The following RBM17 variants were observed in gnomAD, a reference collection of about 807,000 sequenced individuals.
RBM17 encodes the protein splicing factor 45.
A neutral mutation model predicts 53.2 loss-of-function variants in RBM17; 7 were observed. The ratio of observed to expected loss-of-function variants is 0.13; its 90% CI spans 0.07 to 0.25. The LOEUF (loss-of-function observed/expected upper bound fraction) is 0.25. Ranked by LOEUF, RBM17 falls within the 10% of genes least tolerant of loss-of-function variation. The pLI is 1.00. For missense variants in RBM17, 257 were observed against 496.7 expected, an observed-to-expected ratio of 0.52 and a Z score of 4.59; for synonymous variants, 167 against 178.1, an observed-to-expected ratio of 0.94 and a Z score of 0.50.
chr10:6,098,223 T>G (rs1486511474), intron 2 of RBM17, among the ~76,000 whole-genome samples: 2 of 150,428 alleles, frequency 1.3e-5, no homozygotes, highest in Non-Finnish European at 3.0e-5. Flanking sequence ...TTGGTCTTTT[T>G]GGGGGTGAAA....
chr10:6,116,316 G>C lies in RBM17; in HGVS notation c.*760G>C, dbSNP rs926816267. ...CCTAGCAGGTGCATTGTAAATGTGT[G>C]CCCAGTTATGTTTTGGAAATGGCAG... On this transcript the variant is annotated 3_prime_UTR_variant, in exon 12 of 12. Transcript: ENST00000379888. 4 of 152,308 alleles carry C rather than the reference G, an allele frequency of 2.6e-5. No homozygotes were observed. The highest frequency in any genetic ancestry group is 9.7e-5 in the African/African-American group (4 of 41,428). 9.4% of individuals were successfully genotyped at this position (152,308 alleles called of 1,614,324 possible).
At chr10:6,105,396 A>G (rs954231831) in intron 4 of RBM17, among the ~76,000 whole-genome samples, 10 of 152,238 alleles carry the variant, frequency 6.6e-5, no homozygotes. Flanking sequence ...TAGGTTGACT[A>G]TCCCTTATTC....
chr10:6,109,906 A>T, intron 6 of RBM17, 80 bp from the exon 7 acceptor site: 1 of 1,194,926 alleles, frequency 8.4e-7, no homozygotes, highest in Non-Finnish European at 1.1e-6. Context: ...AATTTGTTCA[A>T]GATAAATAAT....
intron 1 of RBM17, among the ~76,000 whole-genome samples, chr10:6,094,372 T>A (rs80234411): frequency 3.2e-4 from 49 of 152,328 alleles, no homozygotes; most frequent in Non-Finnish European, 5.9e-4. Flanking sequence ...TAGTCTGTAT[T>A]GAGAAAAGCA....
chr10:6,094,441 A>G (rs1439275437), intron 1 of RBM17, among the ~76,000 whole-genome samples: 1 of 152,238 alleles, frequency 6.6e-6, no homozygotes, highest in East Asian at 1.9e-4. Context: ...GTGATTTCCC[A>G]GAAAGTCGCA....
chr10:6,101,609 A>G (rs1418428505), intron 3 of RBM17, among the ~76,000 whole-genome samples: 6 of 152,256 alleles, frequency 3.9e-5, no homozygotes, highest in Admixed American at 2.0e-4. Context: ...AGATACGCAG[A>G]AAGAAAAACA....
intron 9 of RBM17, 108 bp from the exon 10 acceptor site, chr10:6,113,941 C>A: frequency 1.4e-6 from 1 of 704,586 alleles, no homozygotes; most frequent in South Asian, 1.9e-5. Flanking sequence ...TTCATTATGT[C>A]GTTTGGGATT....
At chr10:6,115,413 A>G (rs367697665) in intron 11 of RBM17, 40 bp from the exon 12 acceptor site, 4 of 1,539,460 alleles carry the variant, frequency 2.6e-6, no homozygotes, top group African/African-American at 1.4e-5. Context: ...CCTTTATCTT[A>G]TAGGATACCT....
At chr10:6,092,815 C>A (rs1181429002) in intron 1 of RBM17, among the ~76,000 whole-genome samples, 3 of 152,196 alleles carry the variant, frequency 2.0e-5, no homozygotes, top group African/African-American at 7.2e-5. Flanking sequence ...AAGATGACAT[C>A]AGTTTCTAAT....
At chr10:6,114,952 T>C in intron 10 of RBM17, 1 of 363,694 alleles carries the variant, frequency 2.7e-6, no homozygotes, top group Non-Finnish European at 4.9e-6. Context: ...TTGCTGTTTG[T>C]TGACCACATA....
intron 1 of RBM17, among the ~76,000 whole-genome samples, chr10:6,094,100 G>A (rs1840532109): frequency 6.6e-6 from 1 of 150,478 alleles, no homozygotes; most frequent in Non-Finnish European, 1.5e-5. Context: ...TCAGCCTCCT[G>A]AGTAGCTGGG....
At chr10:6,108,350 GTAAA>G (rs1335050387) in intron 5 of RBM17, 1 of 318,532 alleles carries the variant, frequency 3.1e-6, no homozygotes, top group East Asian at 6.5e-5. Context: ...ATTGCTCTCG[GTAAA>G]TAGTTACATT....
At chr10:6,102,963 C>CT (rs2132946048) in intron 3 of RBM17, among the ~76,000 whole-genome samples, 1 of 152,210 alleles carries the variant, frequency 6.6e-6, no homozygotes, top group Non-Finnish European at 1.5e-5. Context: ...CCACATTTGA[C>CT]TAATTTTTTG....
At chr10:6,105,232 A>G in intron 4 of RBM17, 135 bp downstream of exon 4, 1 of 767,784 alleles carries the variant, frequency 1.3e-6, no homozygotes, top group South Asian at 2.0e-5. Context: ...ACAAGGAATC[A>G]AACTGTTTTA....
rs1840908942 is a variant in RBM17 at position 6,115,892 on chromosome 10, A to C, written c.*336A>C. 1 of 143,468 alleles carries C rather than the reference A, an allele frequency of 7.0e-6. No homozygotes were observed. The highest frequency in any genetic ancestry group is 3.0e-5 in the African/African-American group (1 of 33,228). The allele number at this position is 143,468 out of a possible 1,614,324, so 8.9% of individuals were successfully genotyped here. A position where few individuals can be genotyped will look rare whatever the true frequency, so the allele number is the denominator to read the frequency against. On this transcript the variant is annotated 3_prime_UTR_variant, in exon 12 of 12. Coordinates refer to ENST00000379888, the MANE Select transcript of RBM17 (RefSeq NM_032905.5). ...TGCACTAAAAAAAAAAAAAAAAAAA[A>C]AACTAGAAAGTTTTGGGACATGGGG... is the stretch of plus-strand genomic sequence containing the variant.
At chr10:6,093,607 C>T (rs1438708504) in intron 1 of RBM17, among the ~76,000 whole-genome samples, 1 of 152,282 alleles carries the variant, frequency 6.6e-6, no homozygotes, top group Non-Finnish European at 1.5e-5. Flanking sequence ...TCTTTCCCCT[C>T]GAAGTTTAAT....
At chr10:6,096,309 T>G (rs1201655567) in intron 1 of RBM17, among the ~76,000 whole-genome samples, 2 of 152,192 alleles carry the variant, frequency 1.3e-5, no homozygotes, top group African/African-American at 4.8e-5. Flanking sequence ...TCCATGTCTG[T>G]GCAGTGCTGG....
At chr10:6,096,064 T>G (rs1840568500) in intron 1 of RBM17, among the ~76,000 whole-genome samples, 1 of 152,240 alleles carries the variant, frequency 6.6e-6, no homozygotes, top group Non-Finnish European at 1.5e-5. Flanking sequence ...GGAACTACTG[T>G]GCTAAGCATT....
intron 8 of RBM17, chr10:6,113,262 A>G (rs1462384736): frequency 5.7e-6 from 2 of 350,388 alleles, no homozygotes; most frequent in African/African-American, 2.1e-5. Context: ...AAAAATTGCA[A>G]GTAATGGTGG....
Sources: gnomAD v4.1 joint callset for allele counts (sites outside exome capture counted in the v4.1 genomes callset) on GRCh38, gnomAD v4.1.1 for gene constraint, MANE v1.5 for transcripts, NCBI Gene and HGNC (gene_info 2026-07-23, HGNC 2026-07-21) for gene names.